The following ZDHHC7 variants were observed in gnomAD, a reference collection of about 807,000 sequenced individuals.
ZDHHC7 encodes zDHHC palmitoyltransferase 7.
ZDHHC7 carries 12 observed loss-of-function variants against 34.1 expected under a neutral mutation model. The ratio of observed to expected loss-of-function variants is 0.35; its 90% CI spans 0.23 to 0.57. The LOEUF is 0.57. Ranked by LOEUF, ZDHHC7 falls within the 20% of genes least tolerant of loss-of-function variation. The pLI is 0.84. For missense variants in ZDHHC7, 388 were observed against 402.7 expected (o/e 0.96, Z 0.31); for synonymous variants, 185 against 155.4 (o/e 1.19, Z -1.42).
In ZDHHC7 at chr16:84,990,603, G is replaced by T. The variant is rs754956440; in HGVS notation, c.16C>A (p.His6Asn). 9 of 1,613,666 alleles carry T rather than the reference G, an allele frequency of 5.6e-6. No individual in the cohort carries two copies. The highest frequency in any genetic ancestry group is 7.6e-6 in the Non-Finnish European group (9 of 1,179,848). Residue 6 changes from histidine (H) to asparagine (N), a missense_variant, in exon 3 of 8, where the codon CAC (histidine) becomes AAC (asparagine). His to Asn is a moderately conservative substitution (Grantham distance 68). Coordinates refer to ENST00000313732, the MANE Select transcript of ZDHHC7 (RefSeq NM_017740.3). ...TGATGCTCGACGTCCCGGAGCCTGT[G>T]TCCTGATGGCTGCATGATTTCCCTG... MQPSG[H>N]RLRDVEHHPL... is the part of the protein sequence containing the mutation.
At chr16:84,979,854 T>C (rs1021306339) in intron 4 of ZDHHC7, among the ~76,000 whole-genome samples, 22 of 152,070 alleles carry the variant, frequency 1.4e-4, no homozygotes, top group Admixed American at 2.6e-4. Context: ...TGATTATCGA[T>C]TACTTTTTAG....
At chr16:85,013,330 C>T (rs1420987386), upstream of ZDHHC7, among the ~76,000 whole-genome samples, 3 of 152,024 alleles carry the variant, frequency 2.0e-5, no homozygotes, top group Non-Finnish European at 2.9e-5. Context: ...GTAACCTCCA[C>T]TTCCGGGGTT....
rs2072278582 is a variant in ZDHHC7 at position 84,975,163 on chromosome 16, G to A, written c.*1180C>T. The A allele has an allele frequency of 1.3e-5, 2 of 152,840 alleles. No homozygotes were observed. The highest frequency in any genetic ancestry group is 1.9e-4 in the East Asian group (1 of 5,180). 9.5% of individuals were successfully genotyped at this position (152,840 alleles called of 1,614,324 possible). On this transcript the variant is annotated 3_prime_UTR_variant, in exon 8 of 8. Coordinates refer to ENST00000313732, the MANE Select transcript of ZDHHC7 (RefSeq NM_017740.3). ...CTATTTTATCACCTGTGCCGTGGGT[G>A]GAGAAGAAAACGTAAAAGCTAACCA...
At chr16:84,985,307 G>A (rs939002776) in intron 3 of ZDHHC7, among the ~76,000 whole-genome samples, 1 of 152,242 alleles carries the variant, frequency 6.6e-6, no homozygotes, top group Non-Finnish European at 1.5e-5. Flanking sequence ...TTCCAGGGCA[G>A]TTAGGCTTCG....
chr16:85,021,908 G>A, the ZDHHC7 span, among the ~76,000 whole-genome samples: 12 of 152,166 alleles, frequency 7.9e-5, no homozygotes, highest in East Asian at 1.9e-3. Context: ...TGTAATCGCA[G>A]CACTTTGGGA....
intron 1 of ZDHHC7, among the ~76,000 whole-genome samples, chr16:84,999,916 G>A (rs941223516): frequency 6.6e-6 from 1 of 152,162 alleles, no homozygotes; most frequent in Non-Finnish European, 1.5e-5. Flanking sequence ...GGAGTCCAAG[G>A]CAGGATCACT....
At chr16:84,993,226 G>A (rs1174881940) in intron 2 of ZDHHC7, among the ~76,000 whole-genome samples, 1 of 151,952 alleles carries the variant, frequency 6.6e-6, no homozygotes, top group Non-Finnish European at 1.5e-5. Flanking sequence ...GAGGCTGAGG[G>A]GGGAAGATTG....
chr16:84,977,752 TA>T (rs1355021477), intron 6 of ZDHHC7, among the ~76,000 whole-genome samples, 171 bp downstream of exon 6: 1 of 152,242 alleles, frequency 6.6e-6, no homozygotes, highest in Non-Finnish European at 1.5e-5. Flanking sequence ...GGCAACAATA[TA>T]CTAGTAAAAT....
At chr16:85,009,404 G>A (rs920330713) in intron 1 of ZDHHC7, among the ~76,000 whole-genome samples, 1 of 152,034 alleles carries the variant, frequency 6.6e-6, no homozygotes, top group Non-Finnish European at 1.5e-5. Flanking sequence ...TGTTCTTGAA[G>A]AGGATTTGTT....
chr16:84,989,838 A>C (rs2143636544), intron 3 of ZDHHC7, among the ~76,000 whole-genome samples: 1 of 152,302 alleles, frequency 6.6e-6, no homozygotes, highest in African/African-American at 2.4e-5. Context: ...CACTGTTTTA[A>C]AGCAGTGGAA....
At chr16:84,988,642 G>A (rs189151787) in intron 3 of ZDHHC7, 47 of 831,222 alleles carry the variant, frequency 5.7e-5, no homozygotes, top group Non-Finnish European at 7.7e-5. Context: ...GGACTGCTGA[G>A]TAGCTGTAGA....
intron 1 of ZDHHC7, among the ~76,000 whole-genome samples, chr16:85,000,982 G>C (rs937757659): frequency 6.6e-6 from 1 of 152,204 alleles, no homozygotes; most frequent in African/African-American, 2.4e-5. Context: ...AGACCAGAAA[G>C]ACATGGACAA....
chr16:84,990,455 C>G lies in ZDHHC7; in HGVS notation c.164G>C (p.Trp55Ser), dbSNP rs143351611. ...GCGMICAVMT[W>S]LLVAYADFVV... ...GAAGTCTGCATAGGCGACCAGAAGC[C>G]ACGTCATGACAGCACAGATCATGCC... Residue 55 changes from tryptophan (W) to serine (S), a missense_variant, in exon 3 of 8, where the codon TGG (tryptophan) becomes TCG (serine). By Grantham distance (177) the Trp-to-Ser change is radical. Transcript: ENST00000313732. 5 of 1,614,018 alleles carry G rather than the reference C, an allele frequency of 3.1e-6. No individual in the cohort carries two copies. The highest frequency in any genetic ancestry group is 4.2e-6 in the Non-Finnish European group (5 of 1,180,024).
At chr16:84,996,739 A>C (rs1041370064) in intron 1 of ZDHHC7, among the ~76,000 whole-genome samples, 5 of 152,020 alleles carry the variant, frequency 3.3e-5, no homozygotes, top group African/African-American at 4.8e-5. Flanking sequence ...ATAAAAAAAG[A>C]AAGTCCAGGC....
At chr16:84,989,337 G>C (rs1363730858) in intron 3 of ZDHHC7, among the ~76,000 whole-genome samples, 1 of 152,164 alleles carries the variant, frequency 6.6e-6, no homozygotes, top group Non-Finnish European at 1.5e-5. Context: ...TTCAGATAAA[G>C]CAAAGACAGA....
chr16:85,006,805 C>T (rs191547120), intron 1 of ZDHHC7, among the ~76,000 whole-genome samples: 8 of 152,208 alleles, frequency 5.3e-5, no homozygotes, highest in Admixed American at 2.0e-4. Flanking sequence ...CAACCTGTTG[C>T]GAAACCTTCT....
chr16:84,995,312 G>A (rs537337360), intron 2 of ZDHHC7, among the ~76,000 whole-genome samples: 24 of 152,102 alleles, frequency 1.6e-4, no homozygotes, highest in Admixed American at 4.6e-4. Context: ...TATTTAAAGG[G>A]ACAACCACAC....
At chr16:85,014,891 G>T (rs1044245116), upstream of ZDHHC7, among the ~76,000 whole-genome samples, 2 of 152,086 alleles carry the variant, frequency 1.3e-5, no homozygotes, top group African/African-American at 4.8e-5. Flanking sequence ...GTCTGGAAAG[G>T]TGGGACAACT....
chr16:85,017,817 A>G, the ZDHHC7 span, among the ~76,000 whole-genome samples: 1 of 152,216 alleles, frequency 6.6e-6, no homozygotes, highest in African/African-American at 2.4e-5. Flanking sequence ...CAAAGGGAAA[A>G]GTACACACTC....
Sources: gnomAD v4.1 joint callset for allele counts (sites outside exome capture counted in the v4.1 genomes callset) on GRCh38, gnomAD v4.1.1 for gene constraint, MANE v1.5 for transcripts, NCBI Gene and HGNC (gene_info 2026-07-23, HGNC 2026-07-21) for gene names.